The following NIPBL variants were observed in gnomAD, a reference collection of about 807,000 sequenced individuals.
NIPBL encodes the protein nipped-B-like protein.
A neutral mutation model predicts 321.8 loss-of-function variants in NIPBL; 19 were observed. That is an observed-to-expected ratio of 0.06 (90% confidence interval 0.04 to 0.09). The LOEUF is 0.09. Ranked by LOEUF, NIPBL falls within the 10% of genes least tolerant of loss-of-function variation. The pLI is 1.00. For missense variants in NIPBL, 2,210 were observed against 3,327.0 expected (o/e 0.66, Z 8.26); for synonymous variants, 1,106 against 1,114.1 (o/e 0.99, Z 0.14).
In NIPBL at chr5:37,022,290, C is replaced by T; in HGVS notation, c.5474C>T (p.Thr1825Ile). 6.2e-7 allele frequency: 1 copy of T among 1,613,976 alleles called. No homozygotes were observed. The change falls in exon 29 of 47, where the codon ACT (threonine) becomes ATT (isoleucine). Residue 1825 changes from threonine to isoleucine, a missense_variant. By Grantham distance (89) the Thr-to-Ile change is moderately conservative. Coordinates refer to ENST00000282516, the MANE Select transcript of NIPBL (RefSeq NM_133433.4). ...GVHGRLMDNS[T>I]SVREAAVELL... ...CATGGACGATTGATGGATAATTCGA[C>T]TAGTGTCCGAGAAGCAGCAGTAGAA...
intron 1 of NIPBL, among the ~76,000 whole-genome samples, chr5:36,939,350 T>C (rs1738811089): frequency 6.6e-6 from 1 of 152,204 alleles, no homozygotes; most frequent in East Asian, 1.9e-4. Context: ...TCACCATCTC[T>C]ACAATGTTAT....
At position 36,972,008 on chromosome 5, in the gene NIPBL, T is replaced by C. The variant is rs767774437; in HGVS notation, c.835T>C (p.Cys279Arg). Residue 279 changes from cysteine to arginine, a missense_variant, in exon 8 of 47, where the codon TGC becomes CGC. Coordinates refer to ENST00000282516, the MANE Select transcript of NIPBL (RefSeq NM_133433.4). ...SFPLRSPQPV[C>R]SPAGSEGTPK... The stretch of plus-strand genomic sequence containing the variant: ...TCCCTTGAGATCTCCACAGCCAGTA[T>C]GCTCCCCTGCTGGAAGTGAAGGAAC... 5 of 1,613,298 alleles carry C rather than the reference T, an allele frequency of 3.1e-6. No individual in the cohort carries two copies. In the African/African-American group the frequency reaches 4.0e-5, roughly 13 times the overall value.
chr5:37,056,463 ATTAC>A (rs1300203197), intron 42 of NIPBL, among the ~76,000 whole-genome samples: 23 of 151,912 alleles, frequency 1.5e-4, no homozygotes, highest in Admixed American at 2.6e-4. Flanking sequence ...TGAATTCTCT[ATTAC>A]TTCTTTTTAA....
At chr5:37,002,800 C>T (rs1185421741) in intron 15 of NIPBL, 35 bp downstream of exon 15, 1 of 1,154,396 alleles carries the variant, frequency 8.7e-7, no homozygotes, top group Non-Finnish European at 1.3e-6. Flanking sequence ...AAATTTACTT[C>T]ATAGAAACAT....
chr5:36,938,585 A>G (rs1326856565), intron 1 of NIPBL, among the ~76,000 whole-genome samples: 4 of 152,208 alleles, frequency 2.6e-5, no homozygotes, highest in Admixed American at 6.5e-5. Context: ...CAAAGTTTCT[A>G]AATCAGCTAG....
intron 40 of NIPBL, among the ~76,000 whole-genome samples, chr5:37,050,599 T>C (rs1437234564): frequency 1.3e-5 from 2 of 152,196 alleles, no homozygotes; most frequent in African/African-American, 4.8e-5. Context: ...TTTCTCTCTC[T>C]CCCTTTATAC....
At chr5:37,062,961 TATG>T (rs1249977894) in intron 45 of NIPBL, among the ~76,000 whole-genome samples, 2 of 152,118 alleles carry the variant, frequency 1.3e-5, no homozygotes, top group Non-Finnish European at 2.9e-5. Flanking sequence ...TGGCAAATTT[TATG>T]ATATTTCTAT....
chr5:36,899,046 G>T (rs1335658202), intron 1 of NIPBL, among the ~76,000 whole-genome samples: 1 of 152,140 alleles, frequency 6.6e-6, no homozygotes, highest in Non-Finnish European at 1.5e-5. Flanking sequence ...GGAAATCGAA[G>T]AAAACATTTG....
intron 1 of NIPBL, among the ~76,000 whole-genome samples, chr5:36,921,377 T>TA (rs1200661246): frequency 6.6e-6 from 1 of 152,216 alleles, no homozygotes; most frequent in African/African-American, 2.4e-5. Flanking sequence ...CATAGTCTGT[T>TA]ATACTACTCA....
intron 9 of NIPBL, among the ~76,000 whole-genome samples, chr5:36,980,746 T>C (rs563913742): frequency 2.0e-5 from 3 of 151,828 alleles, no homozygotes; most frequent in Admixed American, 6.6e-5. Context: ...TTTCGCAGAA[T>C]GTATCCTGTT....
intron 1 of NIPBL, among the ~76,000 whole-genome samples, chr5:36,917,226 A>G (rs1748533643): frequency 6.6e-6 from 1 of 152,102 alleles, no homozygotes; most frequent in African/African-American, 2.4e-5. Flanking sequence ...TTTGATTTGC[A>G]TTTCTCTGAT....
At chr5:37,008,564 T>C in intron 19 of NIPBL, 59 bp from the exon 20 acceptor site, 1 of 880,894 alleles carries the variant, frequency 1.1e-6, no homozygotes, top group Non-Finnish European at 1.9e-6. Flanking sequence ...CACATGATAT[T>C]ATTTTTTGGT....
At chr5:36,899,686 A>G (rs1747055017) in intron 1 of NIPBL, among the ~76,000 whole-genome samples, 1 of 152,216 alleles carries the variant, frequency 6.6e-6, no homozygotes, top group Admixed American at 6.5e-5. Flanking sequence ...TTTTAGCCCC[A>G]AAGTGAATTA....
At position 37,052,230 on chromosome 5, in the gene NIPBL, C is replaced by A. The variant is rs1027940640; in HGVS notation, c.7063-136C>A. 5.5e-6 allele frequency: 4 copies of A among 721,560 alleles called. No individual in the cohort carries two copies. In the Admixed American group the frequency reaches 7.3e-5, roughly 13 times the overall value. 44.7% of individuals were successfully genotyped at this position (721,560 alleles called of 1,614,324 possible). A position where few individuals can be genotyped will look rare whatever the true frequency, so the allele number is the denominator to read the frequency against. ...AGATAATCTCTAATGTTCCTTCTAG[C>A]ACTTCATTCTGTGATTCGTATTATT... is the stretch of plus-strand genomic sequence containing the variant. On this transcript the variant is annotated intron_variant, in intron 41 of 46. Coordinates refer to ENST00000282516, the MANE Select transcript of NIPBL (RefSeq NM_133433.4).
At chr5:36,911,552 TTA>T (rs1561376507) in intron 1 of NIPBL, among the ~76,000 whole-genome samples, 1 of 152,170 alleles carries the variant, frequency 6.6e-6, no homozygotes, top group Non-Finnish European at 1.5e-5. Context: ...GTACTATAAA[TTA>T]TGTGTGTGCT....
intron 1 of NIPBL, chr5:36,885,928 T>C: frequency 1.4e-6 from 1 of 737,220 alleles, no homozygotes; most frequent in South Asian, 1.4e-5. Flanking sequence ...CTCCCAAATC[T>C]CAGGACCTCG....
chr5:37,061,937 G>A (rs1051557026), intron 45 of NIPBL, among the ~76,000 whole-genome samples: 1 of 152,138 alleles, frequency 6.6e-6, no homozygotes, highest in Non-Finnish European at 1.5e-5. Context: ...TGCCTCCCAG[G>A]TTCAAGCAAG....
intron 9 of NIPBL, among the ~76,000 whole-genome samples, chr5:36,977,150 A>G (rs1191060672): frequency 1.3e-5 from 2 of 152,058 alleles, no homozygotes; most frequent in African/African-American, 2.4e-5. Flanking sequence ...AGACTGATGA[A>G]TCAGTGATTC....
chr5:36,883,685 C>G (rs72734677), intron 1 of NIPBL, among the ~76,000 whole-genome samples: 2,659 of 152,038 alleles, frequency 0.017, 32 homozygotes, highest in Middle Eastern at 0.044. Context: ...ACAGAGTTTT[C>G]TCAACACTGC....
Sources: allele counts gnomAD v4.1 joint callset (sites outside exome capture counted in the v4.1 genomes callset), GRCh38; gene constraint gnomAD v4.1.1; transcripts MANE v1.5; gene names NCBI Gene and HGNC (gene_info 2026-07-23, HGNC 2026-07-21).